Variants in SNX19 observed in about 807,000 individuals in gnomAD.
SNX19 encodes sorting nexin 19, also known as sorting nexin-19.
SNX19 carries 60 observed loss-of-function variants against 85.2 expected under a neutral mutation model. That is an observed-to-expected ratio of 0.70 (90% CI 0.57 to 0.87). SNX19 has a LOEUF of 0.87. SNX19 is among the 40% of genes least tolerant of loss of function. The pLI is 0.00. For missense variants in SNX19, 1,201 were observed against 1,217.8 expected, an observed-to-expected ratio of 0.99 and a Z score of 0.21; for synonymous variants, 520 against 470.0, an observed-to-expected ratio of 1.11 and a Z score of -1.38.
rs779097664 is a variant in SNX19 at position 130,914,636 on chromosome 11, C to A, written c.1304G>T (p.Gly435Val). The change falls in exon 1 of 11, where the codon GGC (glycine) becomes GTC (valine). Residue 435 changes from glycine to valine, a missense_variant. Physicochemically the swap from Gly to Val is moderately radical, Grantham distance 109. This residue lies in a region of SNX19 where 791 missense variants were observed against 750.9 expected (regional missense o/e 1.05). Coordinates refer to ENST00000265909, the MANE Select transcript of SNX19 (RefSeq NM_014758.3). ...GGAATTCAGTGTGGAGACCGGCAGG[C>A]CTGTCTCTGTTTCTGTCCCTGGACC... ...EEGPGTETET[G>V]LPVSTLNSCP... The A allele has an allele frequency of 1.2e-5, 19 of 1,613,794 alleles. No homozygotes were observed. The highest frequency in any genetic ancestry group is 1.4e-5 in the Non-Finnish European group (16 of 1,179,864).
chr11:130,911,519 A>G, intron 2 of SNX19, 114 bp downstream of exon 2: 1 of 1,549,458 alleles, frequency 6.5e-7, no homozygotes, highest in South Asian at 1.3e-5. Context: ...TCCAGGGAGC[A>G]GAGAACCTTG....
At position 130,878,332 on chromosome 11, in the gene SNX19, C is replaced by G. The variant is rs11222372; in HGVS notation, c.*90G>C. On this transcript the variant is annotated 3_prime_UTR_variant, in exon 11 of 11. Transcript: ENST00000265909. ...GAACCTAGGCCTTCTTAGCTGTAGC[C>G]TACTTGAAGAGGGCACGGGCTTCCT... The G allele has an allele frequency of 0.024, 34,529 of 1,432,610 alleles. 712 individuals are homozygous for G. Among genetic ancestry groups the G allele is most frequent in the African/African-American group, 0.076 (5,346 of 70,406 alleles). The allele number at this position is 1,432,610 out of a possible 1,614,324, so 88.7% of individuals were successfully genotyped here.
At chr11:130,902,435 T>C (rs1196098772) in intron 8 of SNX19, among the ~76,000 whole-genome samples, 2 of 152,216 alleles carry the variant, frequency 1.3e-5, no homozygotes, top group Admixed American at 1.3e-4. Flanking sequence ...TATAAGGATG[T>C]ATTTTTTGAG....
In SNX19 at chr11:130,915,064, T is replaced by C. The variant is rs2135429754; in HGVS notation, c.876A>G (p.Pro292=). 6.2e-7 allele frequency: 1 copy of C among 1,614,096 alleles called. No individual in the cohort carries two copies. The highest frequency in any genetic ancestry group is 8.5e-7 in the Non-Finnish European group (1 of 1,179,994). ...GAAGCTGCTCTACCTCAGCAATCAG[T>C]GGCAGAGATGTCGGCACTGAGGGCT... ...PEQPSVPTSL[P]LIAEVEQLPE... The change falls in exon 1 of 11, where the codon CCA becomes CCG. Residue 292 remains proline, a synonymous_variant. Transcript: ENST00000265909.
In SNX19 at chr11:130,869,909, G is replaced by C. The variant is rs1189257873; in HGVS notation, c.*8513C>G. On this transcript the variant is annotated 3_prime_UTR_variant, in exon 11 of 11. Transcript: ENST00000265909. Reference sequence around the variant, plus strand: ...CCACAAAGACTGATGAGCTGATATAGAAAAAAAAAAAGGAATAAAGAAAAA... The same window carrying C: ...CCACAAAGACTGATGAGCTGATATACAAAAAAAAAAAGGAATAAAGAAAAA... The C allele has an allele frequency of 7.0e-6, 1 of 141,854 alleles. No homozygotes were observed. Among genetic ancestry groups the C allele is most frequent in the Admixed American group, 7.0e-5 (1 of 14,214 alleles). 8.8% of individuals were successfully genotyped at this position (141,854 alleles called of 1,614,324 possible). A position where few individuals can be genotyped will look rare whatever the true frequency, so the allele number is the denominator to read the frequency against.
intron 5 of SNX19, among the ~76,000 whole-genome samples, 190 bp from the exon 6 acceptor site, chr11:130,906,911 C>A (rs1234468196): frequency 6.6e-6 from 1 of 152,220 alleles, no homozygotes; most frequent in Non-Finnish European, 1.5e-5. Context: ...TCTGGCAATT[C>A]TTGATAGATA....
chr11:130,901,646 G>C (rs1181522894), intron 8 of SNX19, among the ~76,000 whole-genome samples: 1 of 152,170 alleles, frequency 6.6e-6, no homozygotes, highest in Non-Finnish European at 1.5e-5. Context: ...TGCCAAGTAA[G>C]AAAGGAGGTG....
At chr11:130,881,697 A>G (rs558585013) in intron 8 of SNX19, among the ~76,000 whole-genome samples, 1 of 152,240 alleles carries the variant, frequency 6.6e-6, no homozygotes, top group South Asian at 2.1e-4. Context: ...TTGCCTGAAG[A>G]GCAAGTCTCA....
rs1014259031 is a variant in SNX19, at chr11:130,874,460, A to C, written c.*3962T>G. ...AAACTGCAGCAGCAGGAAGGCAGGC[A>C]GTCTGAGAGCACAGCTGACCTAATT... On this transcript the variant is annotated 3_prime_UTR_variant, in exon 11 of 11. Transcript: ENST00000265909. 6.6e-6 allele frequency among the ~76,000 whole-genome samples: 1 copy of C among 152,258 alleles called. No individual in the cohort carries two copies. The highest frequency in any genetic ancestry group is 1.5e-5 in the Non-Finnish European group (1 of 68,050).
chr11:130,869,165 G>C lies in SNX19; in HGVS notation c.*9257C>G, dbSNP rs1256125429. Reference sequence around the variant, plus strand: ...AGACCAACAGGCAAACCCTAAGGGCGGGTTAGAAAGAAGCTTGACTAGTGT... The same window carrying C: ...AGACCAACAGGCAAACCCTAAGGGCCGGTTAGAAAGAAGCTTGACTAGTGT... On this transcript the variant is annotated 3_prime_UTR_variant, in exon 11 of 11. Coordinates refer to ENST00000265909, the MANE Select transcript of SNX19 (RefSeq NM_014758.3). The C allele has an allele frequency of 6.6e-6, 1 of 152,228 alleles. No homozygotes were observed. Among genetic ancestry groups the C allele is most frequent in the Admixed American group, 6.5e-5 (1 of 15,280 alleles). The allele number at this position is 152,228 out of a possible 1,614,324, so 9.4% of individuals were successfully genotyped here.
Position 130,878,503 on chromosome 11 carries a change from A to G in SNX19, c.2898T>C (p.Ser966=). The change falls in exon 11 of 11, where the codon AGT becomes AGC. Residue 966 remains serine (S), a synonymous_variant. Transcript: ENST00000265909. ...TAGCAGCAGACTCCTCAACAGAGGC[A>G]CTGAGATCCAAGAATTCCAGGATGA... is the stretch of plus-strand genomic sequence containing the variant. ...GDIILEFLDL[S]ASVEESAATT... The G allele has an allele frequency of 6.2e-7, 1 of 1,613,900 alleles. No homozygotes were observed.
Position 130,868,030 on chromosome 11 carries a change from A to T in SNX19, c.*10392T>A, listed in dbSNP as rs1455280383. ...ATGCCAAAGAACGAAATGATTTTTT[A>T]AAAAATCTCTTCTCTGAAATGGCTT... On this transcript the variant is annotated 3_prime_UTR_variant, in exon 11 of 11. Coordinates refer to ENST00000265909, the MANE Select transcript of SNX19 (RefSeq NM_014758.3). The T allele has an allele frequency of 6.6e-6, 1 of 152,178 alleles. No homozygotes were observed. The highest frequency in any genetic ancestry group is 1.5e-5 in the Non-Finnish European group (1 of 68,026). The allele number at this position is 152,178 out of a possible 1,614,324, so 9.4% of individuals were successfully genotyped here. A position where few individuals can be genotyped will look rare whatever the true frequency, so the allele number is the denominator to read the frequency against.
chr11:130,905,971 G>A lies in SNX19; in HGVS notation c.2425C>T (p.Pro809Ser), dbSNP rs1437713909. The change falls in exon 7 of 11, where the codon CCC (proline) becomes TCC (serine). Residue 809 changes from proline (P) to serine (S), a missense_variant. Physicochemically the swap from Pro to Ser is moderately conservative, Grantham distance 74. Around this residue, in one of 3 missense-constraint regions of SNX19, gnomAD observed 285 missense variants for 295.3 expected, o/e 0.97. Coordinates refer to ENST00000265909, the MANE Select transcript of SNX19 (RefSeq NM_014758.3). The stretch of plus-strand genomic sequence containing the variant: ...CACTCACCTGGATCGCTGTTGCTGG[G>A]GTCTTGGGCTGGCACGGCTGCATCT... Reference protein sequence around the residue: ...VSDAAVPAQDPSNSDPGTETE... With the variant: ...VSDAAVPAQDSSNSDPGTETE... 6 of 1,614,084 alleles carry A rather than the reference G, an allele frequency of 3.7e-6. No individual in the cohort carries two copies. The highest frequency in any genetic ancestry group is 2.7e-5 in the African/African-American group (2 of 74,930).
Position 130,906,136 on chromosome 11 carries a change from A to C in SNX19, c.2263-3T>G. ...GACATGGATAGAGTCTCAGACTCCT[A>C]AGAAATAGTCAGTGGCATATCACAT... On this transcript the variant is annotated splice_region_variant and splice_polypyrimidine_tract_variant and intron_variant, in intron 6 of 10. Coordinates refer to ENST00000265909, the MANE Select transcript of SNX19 (RefSeq NM_014758.3). The C allele has an allele frequency of 6.2e-7, 1 of 1,613,212 alleles. No homozygotes were observed. The highest frequency in any genetic ancestry group is 8.5e-7 in the Non-Finnish European group (1 of 1,179,618).
Position 130,916,111 on chromosome 11 carries a change from GCTCCGCGT to G in SNX19, c.-180_-173del, listed in dbSNP as rs1165919684. ...CAGGCACTGCAAAGCGACAGCTGCA[GCTCCGCGT>G]CTCCCCATGGCTACCACTAACAGAG... On this transcript the variant is annotated 5_prime_UTR_variant, in exon 1 of 11. It removes the in-frame stop codon of an upstream open reading frame in the 5' UTR. Coordinates refer to ENST00000265909, the MANE Select transcript of SNX19 (RefSeq NM_014758.3). 4 of 613,840 alleles carry G rather than the reference GCTCCGCGT, an allele frequency of 6.5e-6. No individual in the cohort carries two copies. The highest frequency in any genetic ancestry group is 1.8e-5 in the African/African-American group (1 of 54,180). The allele number at this position is 613,840 out of a possible 1,614,324, so 38.0% of individuals were successfully genotyped here. A position where few individuals can be genotyped will look rare whatever the true frequency, so the allele number is the denominator to read the frequency against.
intron 8 of SNX19, among the ~76,000 whole-genome samples, chr11:130,897,814 A>G (rs1404885383): frequency 6.6e-6 from 1 of 152,210 alleles, no homozygotes; most frequent in African/African-American, 2.4e-5. Flanking sequence ...GTTTTCGGGC[A>G]TGAGCAGAGT....
chr11:130,903,464 T>C (rs1449818171), intron 7 of SNX19, 80 bp from the exon 8 acceptor site: 2 of 1,475,534 alleles, frequency 1.4e-6, no homozygotes, highest in Non-Finnish European at 1.8e-6. Context: ...TGGTGGCACC[T>C]GTGTCTCTCT....
chr11:130,899,294 T>C lies in SNX19; in HGVS notation c.2573+3961A>G, dbSNP rs142174007. 2.6e-5 allele frequency among the ~76,000 whole-genome samples: 4 copies of C among 152,358 alleles called. No individual in the cohort carries two copies. In the East Asian group the frequency reaches 7.7e-4, roughly 29 times the overall value. On this transcript the variant is annotated intron_variant, in intron 8 of 10. Transcript: ENST00000265909. ...AAATGTGTTAGCTCCATGTCTATAATGCACAGGGTGCTTCCAGGTATGAGA... is the reference window on the plus strand; with the variant it reads ...AAATGTGTTAGCTCCATGTCTATAACGCACAGGGTGCTTCCAGGTATGAGA...
intron 8 of SNX19, chr11:130,892,650 C>G (rs984338952): frequency 1.3e-5 from 2 of 152,162 alleles, no homozygotes; most frequent in African/African-American, 4.8e-5. Context: ...GCATTTGGTA[C>G]TGAGCAGTTA....
Sources: allele counts gnomAD v4.1 joint callset (sites outside exome capture counted in the v4.1 genomes callset), GRCh38; gene constraint gnomAD v4.1.1; regional missense constraint gnomAD v4.1.1; transcripts MANE v1.5; gene names NCBI Gene and HGNC (gene_info 2026-07-23, HGNC 2026-07-21).